The following ZFPM2 variants were observed in gnomAD, a reference collection of about 807,000 sequenced individuals.
The protein encoded by ZFPM2 is zinc finger protein ZFPM2.
ZFPM2 carries 20 observed loss-of-function variants against 98.6 expected under a neutral mutation model. That is an observed-to-expected ratio of 0.20 (90% CI 0.14 to 0.29). The LOEUF (loss-of-function observed/expected upper bound fraction) is 0.29, where lower values mean the gene tolerates loss of function less well. Ranked by LOEUF, ZFPM2 falls within the 10% of genes least tolerant of loss-of-function variation. ZFPM2 has a pLI of 1.00. For missense variants in ZFPM2, 1,310 were observed against 1,388.6 expected (o/e 0.94, Z 0.90); for synonymous variants, 518 against 502.7 (o/e 1.03, Z -0.41).
intron 3 of ZFPM2, among the ~76,000 whole-genome samples, chr8:105,522,486 T>C (rs1241701859): frequency 1.3e-5 from 2 of 152,048 alleles, no homozygotes; most frequent in African/African-American, 4.8e-5. Context: ...GAAAATATAT[T>C]TATGGCTGGG....
In ZFPM2 at chr8:105,444,332, A is replaced by C. The variant is rs751023401; in HGVS notation, c.252A>C (p.Ser84=). The C allele has an allele frequency of 1.2e-5, 19 of 1,612,450 alleles. No individual in the cohort carries two copies. The South Asian group carries it at 2.1e-4, about 18-fold the overall frequency. ...ETAESDGDTQ[S]EKPGQPGVET... ...CAGAATCAGATGGGGACACACAGTC[A>C]GAGAAACCGGGGCAACCTGGAGTTG... The change falls in exon 3 of 8, where the codon TCA becomes TCC. Residue 84 remains serine, a synonymous_variant. Coordinates refer to ENST00000407775, the MANE Select transcript of ZFPM2 (RefSeq NM_012082.4).
Position 105,419,693 on chromosome 8 carries a change from C to T in ZFPM2, c.199+391C>T, listed in dbSNP as rs74401012. ...AGCACTGAATGAGTCAGAGAGTTCT[C>T]AACTAAGGTTCCATCTCATTCCTTT... On this transcript the variant is annotated intron_variant, in intron 2 of 7. Coordinates refer to ENST00000407775, the MANE Select transcript of ZFPM2 (RefSeq NM_012082.4). 4.9e-3 allele frequency among the ~76,000 whole-genome samples: 749 copies of T among 152,274 alleles called. 4 individuals are homozygous for T. Among genetic ancestry groups the T allele is most frequent in the African/African-American group, 0.015 (640 of 41,548 alleles).
chr8:105,384,743 G>A (rs1212707063), intron 1 of ZFPM2, among the ~76,000 whole-genome samples: 2 of 152,136 alleles, frequency 1.3e-5, no homozygotes, highest in Admixed American at 6.5e-5. Context: ...CCTTCTCACC[G>A]AGCTCCTCTA....
At chr8:105,484,077 C>A (rs560598218) in intron 3 of ZFPM2, among the ~76,000 whole-genome samples, 18 of 152,134 alleles carry the variant, frequency 1.2e-4, no homozygotes, top group African/African-American at 3.9e-4. Context: ...TGATGTTCTG[C>A]AGTTGCATAT....
intron 5 of ZFPM2, among the ~76,000 whole-genome samples, chr8:105,740,060 G>A: frequency 6.6e-6 from 1 of 151,904 alleles, no homozygotes; most frequent in African/African-American, 2.4e-5. Context: ...TGATCCTGAA[G>A]ACAAGGAAAT....
At chr8:105,581,518 T>G (rs1016423144) in intron 4 of ZFPM2, among the ~76,000 whole-genome samples, 3 of 152,224 alleles carry the variant, frequency 2.0e-5, no homozygotes, top group African/African-American at 7.2e-5. Flanking sequence ...AAATAGCGAA[T>G]GCATTTAACC....
At chr8:105,619,698 G>A (rs573843182) in intron 4 of ZFPM2, among the ~76,000 whole-genome samples, 3 of 110,422 alleles carry the variant, frequency 2.7e-5, no homozygotes, top group African/African-American at 1.0e-4. Flanking sequence ...CCCACCCCGC[G>A]ACAGGCCCCA....
At chr8:105,453,883 C>T (rs1416705793) in intron 3 of ZFPM2, among the ~76,000 whole-genome samples, 1 of 151,996 alleles carries the variant, frequency 6.6e-6, no homozygotes, top group African/African-American at 2.4e-5. Context: ...CCTCAGCCTC[C>T]CAAAGTGTCT....
chr8:105,554,032 C>T (rs1229572177), intron 3 of ZFPM2, among the ~76,000 whole-genome samples: 12 of 152,176 alleles, frequency 7.9e-5, no homozygotes, highest in Admixed American at 3.3e-4. Flanking sequence ...GAATAGGGAA[C>T]GTCGTATTTC....
At chr8:105,783,367 C>A (rs1015809672) in intron 5 of ZFPM2, among the ~76,000 whole-genome samples, 1 of 151,566 alleles carries the variant, frequency 6.6e-6, no homozygotes, top group Admixed American at 6.6e-5. Flanking sequence ...AAAATGTAAC[C>A]TCATTTTTTC....
chr8:105,394,466 G>T (rs1024640496), intron 1 of ZFPM2, among the ~76,000 whole-genome samples: 1 of 152,186 alleles, frequency 6.6e-6, no homozygotes, highest in Non-Finnish European at 1.5e-5. Flanking sequence ...TGGAAATTGA[G>T]AGTGTTTTAA....
rs527877864 is a variant in ZFPM2 at position 105,781,032 on chromosome 8, C to T, written c.533-7686C>T. ...AACTCTTTCTACACTATGTAAAATGCAGATAGTTTACTCCTATGGCAGTTA... is the reference window on the plus strand; with the variant it reads ...AACTCTTTCTACACTATGTAAAATGTAGATAGTTTACTCCTATGGCAGTTA... On this transcript the variant is annotated intron_variant, in intron 5 of 7. Coordinates refer to ENST00000407775, the MANE Select transcript of ZFPM2 (RefSeq NM_012082.4). Among the ~76,000 whole-genome samples, 529 of 152,326 alleles carry T rather than the reference C, an allele frequency of 3.5e-3. 1 individual carries two copies. Among genetic ancestry groups the T allele is most frequent in the Non-Finnish European group, 6.4e-3 (432 of 68,028 alleles).
At chr8:105,792,004 G>C (rs1813628484) in intron 6 of ZFPM2, among the ~76,000 whole-genome samples, 1 of 151,950 alleles carries the variant, frequency 6.6e-6, no homozygotes, top group South Asian at 2.1e-4. Flanking sequence ...AGTCTTGCTA[G>C]CGGTCTATCA....
intron 5 of ZFPM2, among the ~76,000 whole-genome samples, chr8:105,738,157 G>A (rs1812125610): frequency 6.6e-6 from 1 of 151,812 alleles, no homozygotes; most frequent in African/African-American, 2.4e-5. Context: ...TTTTCCTGAT[G>A]CTTTCCCTCC....
At chr8:105,473,836 GTATA>G (rs1163906451) in intron 3 of ZFPM2, among the ~76,000 whole-genome samples, 1 of 152,064 alleles carries the variant, frequency 6.6e-6, no homozygotes, top group Non-Finnish European at 1.5e-5. Flanking sequence ...ATAAATATAG[GTATA>G]TACACAAATA....
At chr8:105,539,526 A>ATG (rs1269619357) in intron 3 of ZFPM2, among the ~76,000 whole-genome samples, 5 of 152,166 alleles carry the variant, frequency 3.3e-5, no homozygotes, top group Admixed American at 2.0e-4. Flanking sequence ...GAAAAAAGTA[A>ATG]TGCTTTGCCT....
At chr8:105,683,117 C>A (rs2130924432) in intron 5 of ZFPM2, among the ~76,000 whole-genome samples, 2 of 152,100 alleles carry the variant, frequency 1.3e-5, no homozygotes, top group South Asian at 4.2e-4. Flanking sequence ...GGGCTCTGTC[C>A]TCATGAGTTA....
At chr8:105,359,220 T>C (rs1812807174) in intron 1 of ZFPM2, among the ~76,000 whole-genome samples, 2 of 152,150 alleles carry the variant, frequency 1.3e-5, no homozygotes, top group Admixed American at 1.3e-4. Context: ...CCTGCCACCA[T>C]GTAAGACATG....
intron 5 of ZFPM2, among the ~76,000 whole-genome samples, chr8:105,687,136 A>G (rs575614915): frequency 5.3e-5 from 8 of 152,332 alleles, no homozygotes; most frequent in African/African-American, 1.7e-4. Flanking sequence ...ATGGTGCTCA[A>G]CATGACTGTG....
Sources: gnomAD v4.1 joint callset for allele counts (sites outside exome capture counted in the v4.1 genomes callset) on GRCh38, gnomAD v4.1.1 for gene constraint, MANE v1.5 for transcripts, NCBI Gene and HGNC (gene_info 2026-07-23, HGNC 2026-07-21) for gene names.